EYS: variants seen among roughly 807,000 people sequenced by gnomAD.
The protein encoded by EYS is EGF-like photoreceptor maintenance factor, also known as protein eyes shut homolog.
EYS carries 250 observed loss-of-function variants against 282.1 expected under a neutral mutation model. The ratio of observed to expected loss-of-function variants is 0.89; its 90% confidence interval spans 0.80 to 0.98. EYS has a LOEUF of 0.98. Ranked by LOEUF, EYS falls within the 50% of genes least tolerant of loss-of-function variation. The pLI is 0.00. For synonymous variants in EYS, 1,355 were observed against 1,282.9 expected (o/e 1.06, Z -1.20); for missense variants, 4,016 against 3,709.0 (o/e 1.08, Z -2.15).
At chr6:63,910,467 C>T (rs1343803566) in intron 35 of EYS, among the ~76,000 whole-genome samples, 1 of 152,162 alleles carries the variant, frequency 6.6e-6, no homozygotes, top group Non-Finnish European at 1.5e-5. Context: ...CATTCCAAGT[C>T]TTTGGAATTG....
intron 12 of EYS, among the ~76,000 whole-genome samples, chr6:65,246,655 T>C (rs1355844643): frequency 6.6e-6 from 1 of 152,132 alleles, no homozygotes; most frequent in Non-Finnish European, 1.5e-5. Flanking sequence ...CTTTTCTAAA[T>C]ACATCTGAAA....
intron 26 of EYS, among the ~76,000 whole-genome samples, chr6:64,440,857 C>A (rs527765414): frequency 2.0e-5 from 3 of 152,042 alleles, no homozygotes; most frequent in South Asian, 2.1e-4. Context: ...AAAAAGTTCA[C>A]ATAAAATATG....
chr6:64,871,913 G>T (rs953044797), intron 19 of EYS, among the ~76,000 whole-genome samples: 9 of 152,012 alleles, frequency 5.9e-5, no homozygotes, highest in Non-Finnish European at 1.0e-4. Flanking sequence ...ATTTGAAAAA[G>T]AAGGCAACCA....
At chr6:64,999,527 C>A (rs555147871) in intron 13 of EYS, among the ~76,000 whole-genome samples, 1 of 152,138 alleles carries the variant, frequency 6.6e-6, no homozygotes, top group African/African-American at 2.4e-5. Context: ...CATGGATCTA[C>A]GTGAGGACGG....
intron 26 of EYS, among the ~76,000 whole-genome samples, chr6:64,557,841 T>C (rs545708492): frequency 6.6e-6 from 1 of 152,034 alleles, no homozygotes; most frequent in Non-Finnish European, 1.5e-5. Flanking sequence ...TTTTGTATTG[T>C]CCATGGCTGC....
At chr6:64,122,352 TTAG>T (rs1201294135) in intron 31 of EYS, among the ~76,000 whole-genome samples, 1 of 152,144 alleles carries the variant, frequency 6.6e-6, no homozygotes, top group Non-Finnish European at 1.5e-5. Flanking sequence ...TGGATATGAA[TTAG>T]TAGAGTAACT....
chr6:64,862,525 C>T (rs1390773151), intron 19 of EYS, among the ~76,000 whole-genome samples: 1 of 152,058 alleles, frequency 6.6e-6, no homozygotes, highest in African/African-American at 2.4e-5. Context: ...CATCTTTTCA[C>T]TCATATTATC....
chr6:65,495,526 T>C lies in EYS; in HGVS notation c.-116A>G. On this transcript the variant is annotated 5_prime_UTR_variant, in exon 4 of 43. Transcript: ENST00000503581. ...GTTAAGGATTCCTGGGAATTGGAAT[T>C]GACCTTTTTTCTATACCCAAAGTAG... 1 of 1,128,320 alleles carries C rather than the reference T, an allele frequency of 8.9e-7. No homozygotes were observed. Among genetic ancestry groups the C allele is most frequent in the Non-Finnish European group, 1.3e-6 (1 of 779,408 alleles). 69.9% of individuals were successfully genotyped at this position (1,128,320 alleles called of 1,614,324 possible). A position where few individuals can be genotyped will look rare whatever the true frequency, so the allele number is the denominator to read the frequency against.
intron 2 of EYS, among the ~76,000 whole-genome samples, chr6:65,615,497 C>T (rs1178253390): frequency 1.3e-5 from 2 of 151,068 alleles, no homozygotes; most frequent in South Asian, 2.1e-4. Context: ...TACTGTGCCA[C>T]ATTTTTACTG....
At chr6:64,873,285 C>A (rs1220403112) in intron 19 of EYS, among the ~76,000 whole-genome samples, 2 of 152,074 alleles carry the variant, frequency 1.3e-5, no homozygotes, top group Non-Finnish European at 2.9e-5. Flanking sequence ...ATCATGAGAA[C>A]TGCACGGGAA....
rs552076225 is a variant in EYS at position 65,051,748 on chromosome 6, G to A, written c.2137+5866C>T. Among the ~76,000 whole-genome samples, 7 of 151,518 alleles carry A rather than the reference G, an allele frequency of 4.6e-5. No homozygotes were observed. In the South Asian group the frequency reaches 1.2e-3, roughly 27 times the overall value. ...AGCCAGGCACAAAGAGACAAATACC[G>A]CATGATCCCACTTATGTGTGGAATC... On this transcript the variant is annotated intron_variant, in intron 13 of 42. Transcript: ENST00000503581.
intron 29 of EYS, among the ~76,000 whole-genome samples, chr6:64,307,943 G>A (rs1056077439): frequency 6.6e-6 from 1 of 151,880 alleles, no homozygotes; most frequent in African/African-American, 2.4e-5. Context: ...TCTTAGTACT[G>A]TATAGATTAC....
At chr6:64,259,436 C>G (rs958298988) in intron 30 of EYS, among the ~76,000 whole-genome samples, 1 of 151,978 alleles carries the variant, frequency 6.6e-6, no homozygotes, top group Non-Finnish European at 1.5e-5. Flanking sequence ...GTTCTCCCAG[C>G]CTCTTGCCAG....
intron 11 of EYS, among the ~76,000 whole-genome samples, chr6:65,305,769 G>C (rs1224859664): frequency 6.6e-6 from 1 of 152,168 alleles, no homozygotes; most frequent in Non-Finnish European, 1.5e-5. Flanking sequence ...TGCTGGCATT[G>C]AATTAACACA....
intron 41 of EYS, among the ~76,000 whole-genome samples, chr6:63,730,849 G>C (rs1310237678): frequency 4.0e-5 from 6 of 151,794 alleles, no homozygotes; most frequent in Non-Finnish European, 5.9e-5. Flanking sequence ...ATGAAACCCC[G>C]TCTCTACTAA....
chr6:64,278,927 C>T (rs1245408520), intron 30 of EYS, among the ~76,000 whole-genome samples: 2 of 151,994 alleles, frequency 1.3e-5, no homozygotes, highest in African/African-American at 4.8e-5. Context: ...TAATTTTTTT[C>T]ATTTTCTGTA....
intron 1 of EYS, among the ~76,000 whole-genome samples, chr6:65,662,279 A>C (rs867612922): frequency 2.6e-5 from 4 of 152,270 alleles, no homozygotes; most frequent in African/African-American, 9.6e-5. Flanking sequence ...AAATTTAGTG[A>C]AGAGAGAAGG....
intron 5 of EYS, 58 bp downstream of exon 5, chr6:65,490,536 T>C: frequency 1.1e-6 from 1 of 920,652 alleles, no homozygotes; most frequent in South Asian, 1.4e-5. Flanking sequence ...TAATTTGAAA[T>C]ACATAGATAA....
At chr6:64,938,047 T>C (rs890010759) in intron 15 of EYS, among the ~76,000 whole-genome samples, 1 of 151,594 alleles carries the variant, frequency 6.6e-6, no homozygotes, top group African/African-American at 2.4e-5. Context: ...ATGATTCCAT[T>C]TATATGAAAT....
Sources: gnomAD v4.1 joint callset for allele counts (sites outside exome capture counted in the v4.1 genomes callset) on GRCh38, gnomAD v4.1.1 for gene constraint, MANE v1.5 for transcripts, NCBI Gene and HGNC (gene_info 2026-07-23, HGNC 2026-07-21) for gene names.